Variants in NPAS3 observed in about 807,000 individuals in gnomAD.
NPAS3 encodes neuronal PAS domain protein 3.
A neutral mutation model predicts 73.1 loss-of-function variants in NPAS3; 14 were observed. That is an observed-to-expected ratio of 0.19 (90% CI 0.13 to 0.30). The LOEUF (loss-of-function observed/expected upper bound fraction) is 0.30. Among genes scored for constraint, NPAS3 ranks in the 10% least tolerant of loss-of-function variants. NPAS3 has a pLI of 1.00. For missense variants in NPAS3, 1,096 were observed against 1,250.0 expected, an observed-to-expected ratio of 0.88 and a Z score of 1.86; for synonymous variants, 620 against 541.5, an observed-to-expected ratio of 1.14 and a Z score of -2.01.
intron 5 of NPAS3, among the ~76,000 whole-genome samples, chr14:33,632,955 G>A (rs979156804): frequency 1.8e-4 from 28 of 152,142 alleles, no homozygotes; most frequent in African/African-American, 6.5e-4. Flanking sequence ...AACACAGTCA[G>A]CCTTCTGTAT....
chr14:33,038,530 CATATATACACAT>C (rs895328537), intron 1 of NPAS3, among the ~76,000 whole-genome samples: 29 of 100,654 alleles, frequency 2.9e-4, no homozygotes, highest in African/African-American at 1.2e-3. Context: ...TATATACACA[CATATATACACAT>C]ATATATATAT....
intron 1 of NPAS3, among the ~76,000 whole-genome samples, chr14:32,999,466 A>G (rs1479916838): frequency 1.3e-5 from 2 of 152,052 alleles, no homozygotes; most frequent in African/African-American, 2.4e-5. Context: ...AGCAGAGATC[A>G]CACCACTGCA....
At chr14:33,526,121 T>C (rs561911699) in intron 4 of NPAS3, among the ~76,000 whole-genome samples, 16 of 152,094 alleles carry the variant, frequency 1.1e-4, no homozygotes, top group Non-Finnish European at 2.1e-4. Context: ...CCTACCGGTA[T>C]TCCAGCCTTA....
chr14:33,274,501 T>G (rs931109898), intron 3 of NPAS3, among the ~76,000 whole-genome samples: 1 of 152,128 alleles, frequency 6.6e-6, no homozygotes, highest in African/African-American at 2.4e-5. Flanking sequence ...CCTAATTATC[T>G]TTACAATTGG....
chr14:33,680,934 T>G (rs1198479404), intron 6 of NPAS3: 1 of 394,780 alleles, frequency 2.5e-6, no homozygotes, highest in East Asian at 4.4e-5. Context: ...TATAGTAGTA[T>G]GATTTTTATG....
intron 2 of NPAS3, among the ~76,000 whole-genome samples, chr14:33,108,272 C>A (rs1418090903): frequency 6.7e-6 from 1 of 149,774 alleles, no homozygotes; most frequent in African/African-American, 2.5e-5. Context: ...TGGCTCACTG[C>A]AACCTCCACC....
At chr14:33,672,160 CAGACACTATTCTCTTAA>C (rs1567112398) in intron 5 of NPAS3, among the ~76,000 whole-genome samples, 1 of 152,154 alleles carries the variant, frequency 6.6e-6, no homozygotes, top group East Asian at 1.9e-4. Context: ...TTATGAAAGA[CAGACACTATTCTCTTAA>C]AGAGTTTCTT....
At chr14:33,636,620 C>T (rs2058524098) in intron 5 of NPAS3, among the ~76,000 whole-genome samples, 2 of 152,134 alleles carry the variant, frequency 1.3e-5, no homozygotes, top group Admixed American at 1.3e-4. Context: ...GAGAATCAGG[C>T]AGCCGCTGCC....
intron 3 of NPAS3, among the ~76,000 whole-genome samples, chr14:33,240,788 T>C (rs780237344): frequency 6.6e-6 from 1 of 151,946 alleles, no homozygotes; most frequent in Non-Finnish European, 1.5e-5. Context: ...GGACTTAATA[T>C]TTCTACTCTG....
intron 3 of NPAS3, among the ~76,000 whole-genome samples, chr14:33,349,444 T>C (rs2044918249): frequency 6.6e-6 from 1 of 152,212 alleles, no homozygotes; most frequent in South Asian, 2.1e-4. Context: ...ACAAATTAAC[T>C]AGCTGATGGA....
intron 6 of NPAS3, among the ~76,000 whole-genome samples, chr14:33,693,911 T>C (rs2060301629): frequency 6.6e-6 from 1 of 152,178 alleles, no homozygotes; most frequent in African/African-American, 2.4e-5. Flanking sequence ...CCAAGTCAAA[T>C]CTGCACTGAT....
intron 2 of NPAS3, among the ~76,000 whole-genome samples, chr14:33,116,684 G>A (rs147759744): frequency 6.0e-4 from 91 of 152,194 alleles, no homozygotes; most frequent in Non-Finnish European, 1.2e-3. Context: ...AGTTGTGCCA[G>A]GCTTCTAGAA....
intron 2 of NPAS3, among the ~76,000 whole-genome samples, chr14:33,078,976 C>G (rs1243299377): frequency 6.6e-6 from 1 of 152,166 alleles, no homozygotes; most frequent in African/African-American, 2.4e-5. Flanking sequence ...TATGACATAT[C>G]TGGAATTACA....
At chr14:33,198,841 C>G (rs2046490180) in intron 2 of NPAS3, among the ~76,000 whole-genome samples, 1 of 152,180 alleles carries the variant, frequency 6.6e-6, no homozygotes, top group African/African-American at 2.4e-5. Flanking sequence ...TGTGGGGGAG[C>G]TTGGGCATGG....
intron 3 of NPAS3, among the ~76,000 whole-genome samples, chr14:33,282,180 T>C (rs1487689973): frequency 6.6e-6 from 1 of 152,244 alleles, no homozygotes; most frequent in Non-Finnish European, 1.5e-5. Context: ...TATTTTCATC[T>C]TTTGGATTGT....
intron 2 of NPAS3, among the ~76,000 whole-genome samples, chr14:33,125,103 A>C (rs1253796807): frequency 1.3e-5 from 2 of 152,114 alleles, no homozygotes; most frequent in Non-Finnish European, 2.9e-5. Flanking sequence ...GCTTGAGTGC[A>C]GGGACTTTTA....
At chr14:33,559,141 C>CTT (rs1356350792) in intron 4 of NPAS3, among the ~76,000 whole-genome samples, 2 of 152,084 alleles carry the variant, frequency 1.3e-5, no homozygotes, top group African/African-American at 2.4e-5. Flanking sequence ...GTGTAGCATC[C>CTT]TTTTTCTTTC....
chr14:33,348,375 C>T (rs935888371), intron 3 of NPAS3, among the ~76,000 whole-genome samples: 1 of 152,026 alleles, frequency 6.6e-6, no homozygotes, highest in Admixed American at 6.5e-5. Context: ...AGTTGAAAAT[C>T]GCACATGGAT....
chr14:33,132,576 T>C (rs1289317728), intron 2 of NPAS3, among the ~76,000 whole-genome samples: 1 of 151,934 alleles, frequency 6.6e-6, no homozygotes, highest in Non-Finnish European at 1.5e-5. Flanking sequence ...TATAAGCACG[T>C]AGATGGATCC....
Sources: allele counts gnomAD v4.1 joint callset (sites outside exome capture counted in the v4.1 genomes callset), GRCh38; gene constraint gnomAD v4.1.1; transcripts MANE v1.5; gene names NCBI Gene and HGNC (gene_info 2026-07-23, HGNC 2026-07-21).